The following SAMD4A variants were observed in gnomAD, a reference collection of about 807,000 sequenced individuals.
SAMD4A encodes protein Smaug homolog 1.
A neutral mutation model predicts 81.3 loss-of-function variants in SAMD4A; 33 were observed. The observed-to-expected ratio is 0.41, with a 90% confidence interval of 0.31 to 0.54. The LOEUF (loss-of-function observed/expected upper bound fraction) is 0.54. Ranked by LOEUF, SAMD4A falls within the 20% of genes least tolerant of loss-of-function variation. The probability of loss-of-function intolerance (pLI) is 0.37; values close to 1 mark genes in which losing one functional copy is unlikely to be tolerated. For missense variants in SAMD4A, 854 were observed against 951.1 expected, an observed-to-expected ratio of 0.90 and a Z score of 1.34; for synonymous variants, 389 against 382.1, an observed-to-expected ratio of 1.02 and a Z score of -0.21.
At chr14:54,743,278 C>T (rs767993916) in intron 4 of SAMD4A, among the ~76,000 whole-genome samples, 5 of 152,138 alleles carry the variant, frequency 3.3e-5, no homozygotes, top group Non-Finnish European at 7.3e-5. Context: ...TAAAGGAAGG[C>T]CAGTATTGAA....
chr14:54,698,082 A>G (rs2036620293), intron 2 of SAMD4A, among the ~76,000 whole-genome samples: 2 of 152,180 alleles, frequency 1.3e-5, no homozygotes, highest in Admixed American at 6.5e-5. Flanking sequence ...ACTGAATCCA[A>G]CCTGCACTCA....
intron 2 of SAMD4A, among the ~76,000 whole-genome samples, chr14:54,669,803 A>G (rs528196767): frequency 7.5e-4 from 114 of 152,224 alleles, no homozygotes; most frequent in Non-Finnish European, 1.3e-3. Context: ...TAGCATGGAA[A>G]GATGACGTTG....
rs769193366 is a variant in SAMD4A, at chr14:54,678,433, T to TTGTGTGTGTGTGTGTGTG, written c.197-23563_197-23546dup. Among the ~76,000 whole-genome samples, 69 of 81,266 alleles carry TTGTGTGTGTGTGTGTGTG rather than the reference T, an allele frequency of 8.5e-4. 10 individuals are homozygous for TTGTGTGTGTGTGTGTGTG. The highest frequency in any genetic ancestry group is 1.4e-3 in the East Asian group (3 of 2,070). 53.3% of individuals were successfully genotyped at this position (81,266 alleles called of 152,430 possible). On this transcript the variant is annotated intron_variant, in intron 2 of 12. Coordinates refer to ENST00000554335, the MANE Select transcript of SAMD4A (RefSeq NM_015589.6). ...GTGTCGTATTTTGGGCAGTCACCAT[T>TTGTGTGTGTGTGTGTGTG]TGTGTGTGTGTGTGTGTGTGTGTGT...
intron 2 of SAMD4A, among the ~76,000 whole-genome samples, chr14:54,589,454 G>T (rs1011114123): frequency 3.3e-5 from 5 of 152,052 alleles, no homozygotes; most frequent in East Asian, 1.9e-4. Context: ...TCAAGTTTAT[G>T]TTAGCAATAT....
intron 3 of SAMD4A, among the ~76,000 whole-genome samples, chr14:54,731,946 A>G (rs1234728944): frequency 2.6e-5 from 4 of 152,246 alleles, no homozygotes; most frequent in Admixed American, 1.3e-4. Context: ...GCCTGGAAAT[A>G]GTTCAAAACA....
At chr14:54,640,342 C>G (rs948450069) in intron 2 of SAMD4A, among the ~76,000 whole-genome samples, 1 of 152,172 alleles carries the variant, frequency 6.6e-6, no homozygotes, top group African/African-American at 2.4e-5. Flanking sequence ...AATCTCTTAT[C>G]TGTGTTTGGG....
Position 54,737,135 on chromosome 14 carries a change from T to A in SAMD4A, c.827T>A (p.Leu276Ter). 1 of 1,614,144 alleles carries A rather than the reference T, an allele frequency of 6.2e-7. No homozygotes were observed. The highest frequency in any genetic ancestry group is 8.5e-7 in the Non-Finnish European group (1 of 1,180,018). ...LGHGWMSHED[L>*]RARGPQCLPS... ...CATGGATGGATGTCTCATGAGGACT[T>A]ACGAGCTAGAGGACCCCAGTGCCTC... The change falls in exon 4 of 13, where the codon TTA becomes TAA. Residue 276 changes from leucine (L) to a stop codon, truncating the protein, a stop_gained. Coordinates refer to ENST00000554335, the MANE Select transcript of SAMD4A (RefSeq NM_015589.6). LOFTEE classifies it high-confidence loss of function.
At chr14:54,672,127 G>T (rs114724893) in intron 2 of SAMD4A, among the ~76,000 whole-genome samples, 1,688 of 142,978 alleles carry the variant, frequency 0.012, 36 homozygotes, top group African/African-American at 0.042. Context: ...GTCTTGCCTT[G>T]TTGCCCAGGC....
chr14:54,639,240 C>T (rs564053097), intron 2 of SAMD4A, among the ~76,000 whole-genome samples: 3 of 152,310 alleles, frequency 2.0e-5, no homozygotes, highest in South Asian at 4.1e-4. Flanking sequence ...GTGCCTGTTG[C>T]GTGGGGGCAC....
chr14:54,734,146 G>T (rs528346845), intron 3 of SAMD4A, among the ~76,000 whole-genome samples: 2 of 152,328 alleles, frequency 1.3e-5, no homozygotes, highest in Non-Finnish European at 2.9e-5. Context: ...TGTCGCCAAG[G>T]CACCTGTCAC....
chr14:54,755,880 A>T (rs1167204884), intron 6 of SAMD4A, among the ~76,000 whole-genome samples: 5 of 152,228 alleles, frequency 3.3e-5, no homozygotes, highest in Non-Finnish European at 5.9e-5. Context: ...AAACTGTGAA[A>T]CTAAGCCATG....
intron 2 of SAMD4A, among the ~76,000 whole-genome samples, chr14:54,663,073 GA>G (rs543275942): frequency 2.0e-3 from 307 of 152,352 alleles, no homozygotes; most frequent in African/African-American, 6.9e-3. Flanking sequence ...GGATGAGAGA[GA>G]AGTGACTGAA....
intron 4 of SAMD4A, among the ~76,000 whole-genome samples, chr14:54,738,674 A>G (rs1312097118): frequency 1.3e-5 from 2 of 152,192 alleles, no homozygotes; most frequent in Admixed American, 6.5e-5. Context: ...TTTATGCTAC[A>G]TGGTTATGTG....
At chr14:54,641,970 G>T (rs761366685) in intron 2 of SAMD4A, among the ~76,000 whole-genome samples, 1 of 152,050 alleles carries the variant, frequency 6.6e-6, no homozygotes, top group African/African-American at 2.4e-5. Context: ...GCTAATTTTT[G>T]TATTTTTAGT....
intron 2 of SAMD4A, among the ~76,000 whole-genome samples, chr14:54,672,154 G>A (rs1047927497): frequency 6.6e-5 from 10 of 151,730 alleles, no homozygotes; most frequent in African/African-American, 2.4e-4. Flanking sequence ...GGAACCCCTG[G>A]GTTCAAGCGA....
intron 2 of SAMD4A, among the ~76,000 whole-genome samples, chr14:54,617,471 C>CTT (rs71446500): frequency 6.6e-5 from 10 of 150,968 alleles, no homozygotes; most frequent in East Asian, 1.9e-4. Context: ...GAATCTTTCC[C>CTT]TTTTTTTTTC....
intron 2 of SAMD4A, among the ~76,000 whole-genome samples, chr14:54,656,046 T>C (rs2035513890): frequency 6.6e-6 from 1 of 152,200 alleles, no homozygotes. Flanking sequence ...TATTAACATG[T>C]AATGTTAAAT....
intron 7 of SAMD4A, among the ~76,000 whole-genome samples, chr14:54,761,831 C>G (rs2038406252): frequency 6.6e-6 from 1 of 152,206 alleles, no homozygotes; most frequent in South Asian, 2.1e-4. Context: ...TGAGGTACCC[C>G]CTTTCACCTG....
intron 2 of SAMD4A, among the ~76,000 whole-genome samples, chr14:54,651,794 C>T (rs182240737): frequency 2.6e-5 from 4 of 152,288 alleles, no homozygotes; most frequent in Admixed American, 1.3e-4. Flanking sequence ...CATTTGCCCC[C>T]GAAGGCATCC....
Sources: gnomAD v4.1 joint callset for allele counts (sites outside exome capture counted in the v4.1 genomes callset) on GRCh38, gnomAD v4.1.1 for gene constraint, MANE v1.5 for transcripts, NCBI Gene and HGNC (gene_info 2026-07-23, HGNC 2026-07-21) for gene names.